The following CIBAR2 variants were observed in gnomAD, a reference collection of about 807,000 sequenced individuals.
CIBAR2 encodes CBY1 interacting BAR domain containing 2, also known as CBY1-interacting BAR domain-containing protein 2.
CIBAR2 carries 38 observed loss-of-function variants against 36.2 expected under a neutral mutation model. The observed-to-expected ratio is 1.05, with a 90% confidence interval of 0.81 to 1.38. The LOEUF (loss-of-function observed/expected upper bound fraction) is 1.38. Ranked by LOEUF, CIBAR2 falls within the 40% of genes most tolerant of loss-of-function variation. CIBAR2 has a pLI of 0.00. For missense variants in CIBAR2, 481 were observed against 383.4 expected, an observed-to-expected ratio of 1.25 and a Z score of -2.13; for synonymous variants, 182 against 149.5, an observed-to-expected ratio of 1.22 and a Z score of -1.58.
intron 5 of CIBAR2, among the ~76,000 whole-genome samples, chr16:85,106,668 C>T (rs2073998100): frequency 6.6e-6 from 1 of 152,170 alleles, no homozygotes; most frequent in African/African-American, 2.4e-5. Context: ...AAGGAACCAG[C>T]CCTTTCCACA....
chr16:85,107,712 C>G, intron 4 of CIBAR2, 40 bp from the exon 5 acceptor site: 1 of 1,613,596 alleles, frequency 6.2e-7, no homozygotes, highest in Non-Finnish European at 8.5e-7. Context: ...TAAGCCCAGG[C>G]AGCCCCGTTG....
In CIBAR2 at chr16:85,099,282, C is replaced by T; in HGVS notation, c.818G>A (p.Gly273Asp). The T allele has an allele frequency of 6.2e-7, 1 of 1,614,044 alleles. No individual in the cohort carries two copies. The highest frequency in any genetic ancestry group is 8.5e-7 in the Non-Finnish European group (1 of 1,179,956). Reference sequence around the variant, plus strand: ...CACCCACTCACAGAGACTAAACCTGCCATGATTGGCATGAGGATGTTCAGG... The same window carrying T: ...CACCCACTCACAGAGACTAAACCTGTCATGATTGGCATGAGGATGTTCAGG... ...EDPEHPHANH[G>D]RFSLCEWVVK... Residue 273 changes from glycine to aspartate, a missense_variant, in exon 9 of 9, where the codon GGC becomes GAC. Gly to Asp is a moderately conservative substitution (Grantham distance 94, BLOSUM62 -1). Coordinates refer to ENST00000539556, the MANE Select transcript of CIBAR2 (RefSeq NM_198491.3).
At chr16:85,100,811 G>A (rs1444609443) in intron 7 of CIBAR2, among the ~76,000 whole-genome samples, 4 of 152,216 alleles carry the variant, frequency 2.6e-5, no homozygotes, top group East Asian at 1.9e-4. Flanking sequence ...ACTTTGGGAG[G>A]CCGAGGCGGG....
intron 1 of CIBAR2, among the ~76,000 whole-genome samples, chr16:85,111,067 C>T (rs2144180929): frequency 6.6e-6 from 1 of 152,178 alleles, no homozygotes; most frequent in South Asian, 2.1e-4. Flanking sequence ...GATGACTGAT[C>T]CACCGCATTC....
In CIBAR2 at chr16:85,098,422, C is replaced by T. The variant is rs1467002814; in HGVS notation, c.*763G>A. The T allele has an allele frequency of 1.8e-6, 1 of 542,710 alleles. No homozygotes were observed. 33.6% of individuals were successfully genotyped at this position (542,710 alleles called of 1,614,324 possible). ...CAGGCACAGCGATCCCCCAGAGCAA[C>T]CTGTGAAGTGAGTGATATTGGCCCT... On this transcript the variant is annotated 3_prime_UTR_variant, in exon 9 of 9. Coordinates refer to ENST00000539556, the MANE Select transcript of CIBAR2 (RefSeq NM_198491.3).
chr16:85,110,468 G>A lies in CIBAR2; in HGVS notation c.21-8C>T, dbSNP rs1567562987. ...ACCCTCACCTGGCTGTCCCTGTGGA[G>A]GCGGGGACCTGAGCAGCCATTCTGG... On this transcript the variant is annotated splice_polypyrimidine_tract_variant and splice_region_variant and intron_variant, in intron 1 of 8. Transcript: ENST00000539556. The A allele has an allele frequency of 6.3e-7, 1 of 1,575,320 alleles. No individual in the cohort carries two copies. The highest frequency in any genetic ancestry group is 8.7e-7 in the Non-Finnish European group (1 of 1,154,642).
intron 6 of CIBAR2, 74 bp downstream of exon 6, chr16:85,105,253 C>G (rs138099798): frequency 1.2e-6 from 1 of 852,046 alleles, no homozygotes; most frequent in Non-Finnish European, 1.9e-6. Context: ...TGCACACAGA[C>G]ACGTGTACAC....
intron 6 of CIBAR2, among the ~76,000 whole-genome samples, chr16:85,104,505 C>A (rs1024411731): frequency 6.6e-6 from 1 of 152,150 alleles, no homozygotes; most frequent in Non-Finnish European, 1.5e-5. Flanking sequence ...GTCAGGCGTT[C>A]GAGACCAGCC....
intron 5 of CIBAR2, among the ~76,000 whole-genome samples, chr16:85,107,109 T>G (rs913739034): frequency 6.6e-6 from 1 of 151,718 alleles, no homozygotes; most frequent in African/African-American, 2.4e-5. Flanking sequence ...CTCTGCCACT[T>G]GCCCTCCAGC....
rs775692426 is a variant in CIBAR2, at chr16:85,107,869, A to T, written c.403T>A (p.Ser135Thr). The change falls in exon 4 of 9, where the codon TCA (serine) becomes ACA (threonine). Residue 135 changes from serine to threonine, a missense_variant. By Grantham distance (58) the Ser-to-Thr change is moderately conservative (BLOSUM62 1). Coordinates refer to ENST00000539556, the MANE Select transcript of CIBAR2 (RefSeq NM_198491.3). ...ACGATCATTTGCTGATCCGAGGGTGACTTCTGCCTCAGTTTCTCCAGTTTT... is the reference window on the plus strand; with the variant it reads ...ACGATCATTTGCTGATCCGAGGGTGTCTTCTGCCTCAGTTTCTCCAGTTTT... ...LEKLEKLRQK[S>T]PSDQQMISQA... The T allele has an allele frequency of 6.2e-7, 1 of 1,613,826 alleles. No homozygotes were observed. The highest frequency in any genetic ancestry group is 1.3e-5 in the African/African-American group (1 of 74,902).
rs2073934201 is a variant in CIBAR2, at chr16:85,099,200, T to C, written c.900A>G (p.Pro300=). 2.5e-6 allele frequency: 4 copies of C among 1,593,414 alleles called. No homozygotes were observed. The African/African-American group carries it at 4.1e-5, about 16-fold the overall frequency. The change falls in exon 9 of 9, where the codon CCA becomes CCG. Residue 300 remains proline (P), a synonymous_variant. Transcript: ENST00000539556. ...CCCTACGTCGTTAGAGAGAATGTCC[T>C]GGAAGCATGAGATGCCCACCCTGCC... ...VCGQGGHLML[P]GHSL is the part of the protein sequence containing the mutation.
chr16:85,100,463 G>C (rs2073946810), intron 7 of CIBAR2, among the ~76,000 whole-genome samples: 1 of 152,186 alleles, frequency 6.6e-6, no homozygotes, highest in Non-Finnish European at 1.5e-5. Context: ...GAGGCCCAGA[G>C]AGGCCAGGTA....
At chr16:85,106,751 A>T (rs2144167989) in intron 5 of CIBAR2, among the ~76,000 whole-genome samples, 1 of 152,308 alleles carries the variant, frequency 6.6e-6, no homozygotes, top group Non-Finnish European at 1.5e-5. Context: ...GTCATTTTTC[A>T]CAACAGTGGG....
intron 2 of CIBAR2, among the ~76,000 whole-genome samples, chr16:85,108,404 C>G (rs1364820791): frequency 6.6e-6 from 1 of 152,162 alleles, no homozygotes; most frequent in Non-Finnish European, 1.5e-5. Flanking sequence ...GGTGCCTGGC[C>G]CAGAACTCAG....
chr16:85,111,773 G>A (rs911620841), intron 1 of CIBAR2, among the ~76,000 whole-genome samples: 6 of 152,246 alleles, frequency 3.9e-5, no homozygotes, highest in Non-Finnish European at 7.3e-5. Context: ...GAGCCCAGGC[G>A]ATGGAGGTTG....
chr16:85,108,501 G>A (rs971273505), intron 2 of CIBAR2, among the ~76,000 whole-genome samples: 1 of 152,226 alleles, frequency 6.6e-6, no homozygotes, highest in Non-Finnish European at 1.5e-5. Context: ...TCTCCCAACT[G>A]CCACACAGGG....
intron 8 of CIBAR2, among the ~76,000 whole-genome samples, chr16:85,099,686 C>G (rs1191839669): frequency 6.6e-6 from 1 of 150,778 alleles, no homozygotes; most frequent in Admixed American, 6.6e-5. Context: ...TGCAATGGTA[C>G]GATCTCGGCT....
Position 85,098,836 on chromosome 16 carries a change from T to C in CIBAR2, c.*349A>G. The C allele has an allele frequency of 4.5e-6, 1 of 223,222 alleles. No individual in the cohort carries two copies. The highest frequency in any genetic ancestry group is 2.3e-5 in the African/African-American group (1 of 42,864). The allele number at this position is 223,222 out of a possible 1,614,324, so 13.8% of individuals were successfully genotyped here. On this transcript the variant is annotated 3_prime_UTR_variant, in exon 9 of 9. Transcript: ENST00000539556. ...CACAGCCCTACACGGAGGTTACTGTTCTAAGCCACTCTGCAGGCGAGGACT... is the reference window on the plus strand; with the variant it reads ...CACAGCCCTACACGGAGGTTACTGTCCTAAGCCACTCTGCAGGCGAGGACT...
chr16:85,105,198 G>A, intron 6 of CIBAR2, 129 bp downstream of exon 6: 1 of 563,364 alleles, frequency 1.8e-6, no homozygotes, highest in South Asian at 2.3e-5. Flanking sequence ...ACGCCTTCCA[G>A]TGCTCACACG....
Sources: gnomAD v4.1 joint callset for allele counts (sites outside exome capture counted in the v4.1 genomes callset) on GRCh38, gnomAD v4.1.1 for gene constraint, MANE v1.5 for transcripts, NCBI Gene and HGNC (gene_info 2026-07-23, HGNC 2026-07-21) for gene names.